Variants in EYS observed in about 807,000 individuals in gnomAD.
The protein encoded by EYS is protein eyes shut homolog.
In EYS, 250 loss-of-function variants were observed where a neutral mutation model predicts 282.1. The ratio of observed to expected loss-of-function variants is 0.89; its 90% confidence interval spans 0.80 to 0.98. EYS has a LOEUF of 0.98. Among genes scored for constraint, EYS ranks in the 50% least tolerant of loss-of-function variants. EYS has a pLI of 0.00. For missense variants in EYS, 4,016 were observed against 3,709.0 expected, an observed-to-expected ratio of 1.08 and a Z score of -2.15; for synonymous variants, 1,355 against 1,282.9, an observed-to-expected ratio of 1.06 and a Z score of -1.20.
intron 1 of EYS, among the ~76,000 whole-genome samples, chr6:65,664,811 AC>A (rs1262479976): frequency 1.3e-5 from 2 of 152,186 alleles, no homozygotes; most frequent in East Asian, 3.9e-4. Flanking sequence ...CAAAACTTAG[AC>A]AAACTAAGGT....
intron 35 of EYS, among the ~76,000 whole-genome samples, chr6:63,865,437 A>G (rs1296433859): frequency 6.6e-6 from 1 of 151,026 alleles, no homozygotes; most frequent in Non-Finnish European, 1.5e-5. Context: ...TGTCACTTGA[A>G]GTTAAAGAAT....
intron 35 of EYS, among the ~76,000 whole-genome samples, chr6:63,870,721 C>T (rs1368922984): frequency 6.6e-6 from 1 of 152,046 alleles, no homozygotes; most frequent in Non-Finnish European, 1.5e-5. Context: ...TTGGAATTGT[C>T]CCAAATCTCT....
chr6:63,877,356 C>T lies in EYS; in HGVS notation c.7056-12998G>A, dbSNP rs372320243. Among the ~76,000 whole-genome samples, 6 of 152,306 alleles carry T rather than the reference C, an allele frequency of 3.9e-5. No individual in the cohort carries two copies. In the East Asian group the frequency reaches 5.8e-4, roughly 15 times the overall value. On this transcript the variant is annotated intron_variant, in intron 35 of 42. Transcript: ENST00000503581. ...AGTGATCTGCTGTTATTCTGATGGG[C>T]TTCCCTTTGTAGGTAACCTGACCTT...
chr6:65,018,793 G>A (rs567563062), intron 13 of EYS, among the ~76,000 whole-genome samples: 13 of 152,078 alleles, frequency 8.5e-5, no homozygotes, highest in African/African-American at 3.1e-4. Flanking sequence ...CTTTAGTGAA[G>A]CCTATATGCA....
At chr6:65,442,983 T>C (rs1225858644) in intron 5 of EYS, among the ~76,000 whole-genome samples, 3 of 147,874 alleles carry the variant, frequency 2.0e-5, no homozygotes, top group East Asian at 2.0e-4. Context: ...TATATATACA[T>C]ATGTGCGTAT....
chr6:65,059,383 T>C (rs145529325), intron 12 of EYS, among the ~76,000 whole-genome samples: 5 of 152,200 alleles, frequency 3.3e-5, no homozygotes, highest in African/African-American at 1.2e-4. Context: ...GCATTTGCTA[T>C]TTAGCCTTAA....
At chr6:65,519,267 T>C (rs1767255627) in intron 2 of EYS, among the ~76,000 whole-genome samples, 1 of 151,980 alleles carries the variant, frequency 6.6e-6, no homozygotes, top group South Asian at 2.1e-4. Context: ...TTCATTTCAA[T>C]ATACATTGTT....
rs73765761 is a variant in EYS, at chr6:65,104,185, C to G, written c.2024-46458G>C. On this transcript the variant is annotated intron_variant, in intron 12 of 42. Coordinates refer to ENST00000503581, the MANE Select transcript of EYS (RefSeq NM_001142800.2). ...ACATTGGAAGTGATTACACTATCAT[C>G]ACTTCCAATGTTTTTCTAAAGCAAA... 2.8e-3 allele frequency among the ~76,000 whole-genome samples: 421 copies of G among 151,490 alleles called. 6 individuals are homozygous for G. The highest frequency in any genetic ancestry group is 0.01 in the Middle Eastern group (3 of 292).
chr6:64,557,186 T>G (rs1765258904), intron 26 of EYS, among the ~76,000 whole-genome samples: 1 of 147,378 alleles, frequency 6.8e-6, no homozygotes, highest in African/African-American at 2.5e-5. Context: ...AAGCAAGATT[T>G]GGAAAACACA....
chr6:64,232,572 G>A (rs1197003049), intron 30 of EYS, among the ~76,000 whole-genome samples: 1 of 151,990 alleles, frequency 6.6e-6, no homozygotes, highest in Non-Finnish European at 1.5e-5. Flanking sequence ...TGTATTTTCA[G>A]TATAGACGGG....
At chr6:64,842,201 A>C (rs181680194) in intron 19 of EYS, among the ~76,000 whole-genome samples, 248 of 151,922 alleles carry the variant, frequency 1.6e-3, no homozygotes, top group African/African-American at 5.6e-3. Flanking sequence ...CAGAATTTAC[A>C]TAAGGTCTGG....
chr6:64,454,325 A>G (rs930666591), intron 26 of EYS, among the ~76,000 whole-genome samples: 12 of 152,036 alleles, frequency 7.9e-5, no homozygotes, highest in Non-Finnish European at 1.8e-4. Context: ...CGTTCTGCAT[A>G]TTGTTCTTCT....
rs541462674 is a variant in EYS, at chr6:64,173,530, C to T, written c.6424+57062G>A. ...TTGATTCCCTCCCTCTATCCGCTTC[C>T]CATTTATCCCCCAAGTTAGCTGTAG... On this transcript the variant is annotated intron_variant, in intron 31 of 42. Coordinates refer to ENST00000503581, the MANE Select transcript of EYS (RefSeq NM_001142800.2). Among the ~76,000 whole-genome samples the T allele has an allele frequency of 2.0e-5, 3 of 152,162 alleles. No individual in the cohort carries two copies. In the South Asian group the frequency reaches 6.2e-4, roughly 32 times the overall value.
intron 31 of EYS, among the ~76,000 whole-genome samples, chr6:64,096,130 A>C (rs11965127): frequency 0.076 from 11,581 of 152,190 alleles, 1,384 homozygotes; most frequent in African/African-American, 0.25. Context: ...AGCTGTTAGT[A>C]TGATGGGCTT....
intron 26 of EYS, among the ~76,000 whole-genome samples, chr6:64,479,379 A>G (rs971798007): frequency 6.6e-6 from 1 of 151,950 alleles, no homozygotes; most frequent in Admixed American, 6.6e-5. Flanking sequence ...TATTTAGCAG[A>G]ACATTCAAGA....
intron 1 of EYS, among the ~76,000 whole-genome samples, chr6:65,686,291 T>G (rs991198927): frequency 6.9e-4 from 105 of 152,090 alleles, no homozygotes; most frequent in African/African-American, 2.4e-3. Context: ...TAATTGATAC[T>G]GATGTCTACC....
At chr6:64,799,639 AAT>A (rs145672469) in intron 22 of EYS, among the ~76,000 whole-genome samples, 2,770 of 150,186 alleles carry the variant, frequency 0.018, 65 homozygotes, top group African/African-American at 0.064. Context: ...TGCTATTCTG[AAT>A]ATATGATATA....
At chr6:64,803,207 G>T (rs79312624) in intron 22 of EYS, among the ~76,000 whole-genome samples, 4,596 of 152,184 alleles carry the variant, frequency 0.03, 233 homozygotes, top group African/African-American at 0.11. Context: ...ACCCAGAGTG[G>T]GTAGCTCCTT....
chr6:64,489,023 T>C (rs77328670), intron 26 of EYS, among the ~76,000 whole-genome samples: 3,238 of 150,970 alleles, frequency 0.021, 59 homozygotes, highest in African/African-American at 0.053. Context: ...TTTTTCATTA[T>C]GTTATGGTAA....
Sources: allele counts gnomAD v4.1 joint callset (sites outside exome capture counted in the v4.1 genomes callset), GRCh38; gene constraint gnomAD v4.1.1; transcripts MANE v1.5; gene names NCBI Gene and HGNC (gene_info 2026-07-23, HGNC 2026-07-21).